The following PSPC1 variants were observed in gnomAD, a reference collection of about 807,000 sequenced individuals.
PSPC1 encodes the protein paraspeckle component 1.
PSPC1 carries 14 observed loss-of-function variants against 51.6 expected under a neutral mutation model. That is an observed-to-expected ratio of 0.27 (90% confidence interval 0.18 to 0.42). PSPC1 has a LOEUF of 0.42. PSPC1 is among the 10% of genes least tolerant of loss of function. The pLI is 1.00. For synonymous variants in PSPC1, 193 were observed against 231.9 expected (o/e 0.83, Z 1.53); for missense variants, 406 against 701.1 (o/e 0.58, Z 4.75).
chr13:19,693,703 GT>G, intron 6 of PSPC1, among the ~76,000 whole-genome samples: 1 of 152,300 alleles, frequency 6.6e-6, no homozygotes, highest in South Asian at 2.1e-4. Flanking sequence ...TGAAAGGGGT[GT>G]AAAACTTGAT....
rs190286821 is a variant in PSPC1, at chr13:19,740,081, C to T, written c.1052+1484G>A. ...AATTGGGGCCGGGCACGGTGGCTCA[C>T]GCCTGTAATCCCAGCACTTTGGGAG... On this transcript the variant is annotated intron_variant, in intron 5 of 8. Coordinates refer to ENST00000338910, the MANE Select transcript of PSPC1 (RefSeq NM_001354909.2). 4.7e-3 allele frequency among the ~76,000 whole-genome samples: 710 copies of T among 152,122 alleles called. 6 individuals carry two copies. The highest frequency in any genetic ancestry group is 0.027 in the South Asian group (129 of 4,812).
At chr13:19,776,437 G>C (rs929219798) in intron 1 of PSPC1, among the ~76,000 whole-genome samples, 1 of 152,108 alleles carries the variant, frequency 6.6e-6, no homozygotes, top group Non-Finnish European at 1.5e-5. Context: ...CTGCACTCTA[G>C]TCTGGGCACT....
At chr13:19,678,273 CAAGGCAGGG>C (rs1185986398) in intron 6 of PSPC1, 1 of 158,920 alleles carries the variant, frequency 6.3e-6, no homozygotes, top group African/African-American at 2.4e-5. Flanking sequence ...CCACTTGTAC[CAAGGCAGGG>C]AATACCAATG....
At chr13:19,695,311 C>T (rs1015721299) in intron 6 of PSPC1, among the ~76,000 whole-genome samples, 1 of 152,182 alleles carries the variant, frequency 6.6e-6, no homozygotes, top group African/African-American at 2.4e-5. Flanking sequence ...AACAGCAGAA[C>T]ATAAGTTAAG....
intron 6 of PSPC1, among the ~76,000 whole-genome samples, chr13:19,726,014 G>A (rs929166881): frequency 6.6e-6 from 1 of 152,108 alleles, no homozygotes; most frequent in East Asian, 1.9e-4. Context: ...GAAGAAAGAT[G>A]GGTACAGCAG....
chr13:19,761,676 A>G (rs1887616814), intron 2 of PSPC1, among the ~76,000 whole-genome samples: 1 of 152,092 alleles, frequency 6.6e-6, no homozygotes, highest in Admixed American at 6.6e-5. Context: ...TAGAAACCTC[A>G]GATAAACTGA....
At chr13:19,724,175 A>T (rs1450622392) in intron 6 of PSPC1, among the ~76,000 whole-genome samples, 1 of 152,250 alleles carries the variant, frequency 6.6e-6, no homozygotes. Context: ...AAAACTGTAG[A>T]AAAAGAGGGA....
downstream of PSPC1, among the ~76,000 whole-genome samples, chr13:19,674,101 C>T (rs1403474694): frequency 2.6e-5 from 4 of 152,196 alleles, no homozygotes; most frequent in Non-Finnish European, 4.4e-5. Flanking sequence ...TGGCCAGACT[C>T]GCATCATGGC....
At chr13:19,759,678 T>C (rs1887428156) in intron 2 of PSPC1, among the ~76,000 whole-genome samples, 1 of 151,918 alleles carries the variant, frequency 6.6e-6, no homozygotes, top group South Asian at 2.1e-4. Context: ...CAGGCCAACA[T>C]GGTGAAATTC....
chr13:19,717,466 G>A (rs944893679), intron 6 of PSPC1, among the ~76,000 whole-genome samples: 4 of 151,896 alleles, frequency 2.6e-5, no homozygotes, highest in African/African-American at 9.7e-5. Context: ...AGCAGTTTGG[G>A]AGGCCGAAGC....
Position 19,703,040 on chromosome 13 carries a change from A to T in PSPC1, c.*135T>A, listed in dbSNP as rs1880125259. ...GAATAAAGAAAAATACAAAAACCTC[A>T]AGTTTTACAAAAAAAAAAAAACTTT... On this transcript the variant is annotated 3_prime_UTR_variant, in exon 9 of 9. Coordinates refer to ENST00000338910, the MANE Select transcript of PSPC1 (RefSeq NM_001354909.2). The T allele has an allele frequency of 3.8e-6, 2 of 521,444 alleles. No homozygotes were observed. Among genetic ancestry groups the T allele is most frequent in the South Asian group, 5.8e-5 (2 of 34,606 alleles). 32.3% of individuals were successfully genotyped at this position (521,444 alleles called of 1,614,324 possible).
intron 3 of PSPC1, among the ~76,000 whole-genome samples, chr13:19,754,373 A>T (rs1886863596): frequency 6.6e-6 from 1 of 151,244 alleles, no homozygotes; most frequent in African/African-American, 2.4e-5. Context: ...GGTGTGAGGC[A>T]CTGCGCCCAG....
At chr13:19,725,941 C>T (rs1883317053) in intron 6 of PSPC1, among the ~76,000 whole-genome samples, 1 of 152,044 alleles carries the variant, frequency 6.6e-6, no homozygotes, top group Admixed American at 6.6e-5. Flanking sequence ...AGGAGGATAG[C>T]TTCAGGAGGT....
chr13:19,775,565 G>C (rs539192001), intron 1 of PSPC1, among the ~76,000 whole-genome samples: 1 of 152,260 alleles, frequency 6.6e-6, no homozygotes, highest in African/African-American at 2.4e-5. Context: ...GGAGGTCCTA[G>C]AATCAATCCC....
intron 1 of PSPC1, 107 bp from the exon 2 acceptor site, chr13:19,772,650 G>T: frequency 1.0e-6 from 1 of 995,516 alleles, no homozygotes; most frequent in African/African-American, 1.6e-5. Flanking sequence ...ATGGCTGACA[G>T]GGTCAATTTG....
At chr13:19,744,503 G>A (rs914546396) in intron 4 of PSPC1, among the ~76,000 whole-genome samples, 1 of 152,080 alleles carries the variant, frequency 6.6e-6, no homozygotes, top group Non-Finnish European at 1.5e-5. Flanking sequence ...ACACTGCCAT[G>A]ATAATATCTT....
At chr13:19,695,363 T>G (rs1593547002) in intron 6 of PSPC1, among the ~76,000 whole-genome samples, 1 of 152,298 alleles carries the variant, frequency 6.6e-6, no homozygotes, top group Admixed American at 6.5e-5. Flanking sequence ...GTAAACACAC[T>G]TTTCTACATT....
downstream of PSPC1, among the ~76,000 whole-genome samples, chr13:19,702,200 G>A (rs7990203): frequency 0.01 from 1,552 of 152,174 alleles, 28 homozygotes; most frequent in African/African-American, 0.036. Context: ...CATCAGACAC[G>A]TTTTACTGGA....
intron 6 of PSPC1, among the ~76,000 whole-genome samples, chr13:19,694,123 A>AC (rs1878914810): frequency 2.0e-5 from 1 of 50,510 alleles, no homozygotes; most frequent in East Asian, 4.8e-4. Flanking sequence ...ACTCCATCTC[A>AC]AAAAAAAAAA....
Sources: allele counts gnomAD v4.1 joint callset (sites outside exome capture counted in the v4.1 genomes callset), GRCh38; gene constraint gnomAD v4.1.1; transcripts MANE v1.5; gene names NCBI Gene and HGNC (gene_info 2026-07-23, HGNC 2026-07-21).